Variants in SLC36A1 observed in about 807,000 individuals in gnomAD.
SLC36A1 encodes the protein solute carrier family 36 member 1.
Under a neutral mutation model 47.5 loss-of-function variants are expected in SLC36A1, and 30 were observed. The observed-to-expected ratio is 0.63, with a 90% CI of 0.47 to 0.86. The LOEUF (loss-of-function observed/expected upper bound fraction) is 0.86. Ranked by LOEUF, SLC36A1 falls within the 40% of genes least tolerant of loss-of-function variation. The pLI, the probability that SLC36A1 is intolerant of heterozygous loss-of-function variation, is 0.00. For missense variants in SLC36A1, 517 were observed against 606.0 expected, an observed-to-expected ratio of 0.85 and a Z score of 1.54; for synonymous variants, 255 against 249.7, an observed-to-expected ratio of 1.02 and a Z score of -0.20.
At chr5:151,478,593 GT>G (rs1369517082) in intron 9 of SLC36A1, among the ~76,000 whole-genome samples, 2 of 152,138 alleles carry the variant, frequency 1.3e-5, no homozygotes, top group African/African-American at 4.8e-5. Flanking sequence ...TTGCAATTTT[GT>G]TTTTATTTTT....
chr5:151,431,861 G>A, the SLC36A1 span, among the ~76,000 whole-genome samples: 2 of 152,222 alleles, frequency 1.3e-5, no homozygotes, highest in African/African-American at 2.4e-5. Context: ...GAGGCTGTGA[G>A]CAAGAATAGC....
the SLC36A1 span, among the ~76,000 whole-genome samples, chr5:151,361,459 AAGATATTTTAGAGTCAAAAAT>A: frequency 6.6e-6 from 1 of 152,230 alleles, no homozygotes; most frequent in Non-Finnish European, 1.5e-5. Context: ...GCCCAGATAT[AAGATATTTTAGAGTCAAAAAT>A]AGTGAGAGAA....
chr5:151,455,045 C>T (rs1024294820), intron 1 of SLC36A1, among the ~76,000 whole-genome samples: 1 of 152,076 alleles, frequency 6.6e-6, no homozygotes, highest in Admixed American at 6.6e-5. Context: ...GTCATTATCC[C>T]CTTTATAGCA....
intron 1 of SLC36A1, among the ~76,000 whole-genome samples, chr5:151,438,159 T>A (rs1759883740): frequency 6.6e-6 from 1 of 152,204 alleles, no homozygotes; most frequent in Admixed American, 6.5e-5. Flanking sequence ...CTTTGGGAGC[T>A]GTTACTCTGC....
At chr5:151,458,615 T>A (rs1026672194) in intron 1 of SLC36A1, among the ~76,000 whole-genome samples, 173 bp from the exon 2 acceptor site, 1 of 152,154 alleles carries the variant, frequency 6.6e-6, no homozygotes, top group African/African-American at 2.4e-5. Flanking sequence ...CGCCTCTGTG[T>A]ACTTTGCACT....
At chr5:151,378,212 A>G in the SLC36A1 span, 1 of 240,040 alleles carries the variant, frequency 4.2e-6, no homozygotes, top group South Asian at 6.7e-5. Context: ...GAGACTGTAC[A>G]AACCACTTGC....
chr5:151,541,796 C>T, the SLC36A1 span, among the ~76,000 whole-genome samples: 2,226 of 152,308 alleles, frequency 0.015, 24 homozygotes, highest in African/African-American at 0.034. Flanking sequence ...TTTCCACATA[C>T]GTGAAATGAA....
intron 2 of SLC36A1, among the ~76,000 whole-genome samples, chr5:151,460,134 T>C (rs573356311): frequency 1.3e-5 from 2 of 152,286 alleles, no homozygotes; most frequent in East Asian, 3.9e-4. Context: ...TCCAACCTTA[T>C]CAGCATTGGC....
chr5:151,383,337 C>G, the SLC36A1 span, among the ~76,000 whole-genome samples: 1 of 152,078 alleles, frequency 6.6e-6, no homozygotes, highest in South Asian at 2.1e-4. Context: ...GAAACTGACT[C>G]TAGAATGGTT....
At chr5:151,430,462 A>C in the SLC36A1 span, among the ~76,000 whole-genome samples, 5 of 151,610 alleles carry the variant, frequency 3.3e-5, no homozygotes, top group African/African-American at 4.9e-5. Context: ...AGCTGGGATT[A>C]CAGGTGCCCG....
downstream of SLC36A1, among the ~76,000 whole-genome samples, chr5:151,493,090 A>G (rs1369516903): frequency 6.6e-6 from 1 of 152,134 alleles, no homozygotes; most frequent in East Asian, 1.9e-4. Context: ...GTAACACTTA[A>G]TTTTCTTGAA....
chr5:151,553,359 G>A, the SLC36A1 span: 1 of 1,614,112 alleles, frequency 6.2e-7, no homozygotes, highest in African/African-American at 1.3e-5. Context: ...GGCTGAGAGT[G>A]GTGGCTGCCC....
At chr5:151,516,881 G>A in the SLC36A1 span, among the ~76,000 whole-genome samples, 9 of 152,084 alleles carry the variant, frequency 5.9e-5, no homozygotes, top group African/African-American at 1.7e-4. Flanking sequence ...CGAGGCAGGC[G>A]GATCACCTGA....
At chr5:151,418,267 C>G in the SLC36A1 span, among the ~76,000 whole-genome samples, 1 of 152,212 alleles carries the variant, frequency 6.6e-6, no homozygotes, top group African/African-American at 2.4e-5. Flanking sequence ...CACTGGGACA[C>G]TGTCTAATGG....
At chr5:151,365,997 C>G in the SLC36A1 span, among the ~76,000 whole-genome samples, 2 of 152,280 alleles carry the variant, frequency 1.3e-5, no homozygotes, top group East Asian at 3.9e-4. Flanking sequence ...GGGTCCTGTT[C>G]ATGCCTCTTC....
the SLC36A1 span, among the ~76,000 whole-genome samples, chr5:151,514,844 A>G: frequency 6.6e-6 from 1 of 152,186 alleles, no homozygotes; most frequent in Non-Finnish European, 1.5e-5. Context: ...CACCTCCTCA[A>G]GGGTCTACTG....
chr5:151,543,466 G>C, the SLC36A1 span: 7 of 1,614,132 alleles, frequency 4.3e-6, no homozygotes, highest in Non-Finnish European at 5.9e-6. Context: ...GACCTTAATA[G>C]CAATGACTCT....
the SLC36A1 span, among the ~76,000 whole-genome samples, chr5:151,516,782 G>A: frequency 6.6e-6 from 1 of 152,116 alleles, no homozygotes; most frequent in Non-Finnish European, 1.5e-5. Flanking sequence ...TTAAAATCTA[G>A]TGGCCAAAGT....
At position 151,473,663 on chromosome 5, in the gene SLC36A1, T is replaced by C; in HGVS notation, c.724-10T>C. The C allele has an allele frequency of 6.4e-7, 1 of 1,574,472 alleles. No individual in the cohort carries two copies. The highest frequency in any genetic ancestry group is 8.7e-7 in the Non-Finnish European group (1 of 1,146,172). Reference sequence around the variant, plus strand: ...CTTTGTTTTGCTTTGTTTTGCTTTCTGTCTTTCAGAGGATCCCAGACCCCA... The same window carrying C: ...CTTTGTTTTGCTTTGTTTTGCTTTCCGTCTTTCAGAGGATCCCAGACCCCA... On this transcript the variant is annotated splice_polypyrimidine_tract_variant and intron_variant, in intron 7 of 10. Transcript: ENST00000243389.
Sources: gnomAD v4.1 joint callset for allele counts (sites outside exome capture counted in the v4.1 genomes callset) on GRCh38, gnomAD v4.1.1 for gene constraint, MANE v1.5 for transcripts, NCBI Gene and HGNC (gene_info 2026-07-23, HGNC 2026-07-21) for gene names.